Variants in EBF4 observed in about 807,000 individuals in gnomAD.
EBF4 encodes transcription factor COE4.
EBF4 carries 34 observed loss-of-function variants against 67.1 expected under a neutral mutation model. That is an observed-to-expected ratio of 0.51 (90% CI 0.39 to 0.67). EBF4 has a LOEUF of 0.67. EBF4 is among the 30% of genes least tolerant of loss of function. The pLI is 0.00. For missense variants in EBF4, 837 were observed against 873.3 expected (o/e 0.96, Z 0.52); for synonymous variants, 387 against 377.7 (o/e 1.02, Z -0.29).
At chr20:2,697,415 G>T (rs1356570369) in intron 1 of EBF4, among the ~76,000 whole-genome samples, 1 of 151,968 alleles carries the variant, frequency 6.6e-6, no homozygotes, top group Non-Finnish European at 1.5e-5. Context: ...CGTGGTGGCG[G>T]GCGCCTGTAG....
At chr20:2,733,784 A>C (rs2087844756) in intron 6 of EBF4, among the ~76,000 whole-genome samples, 1 of 151,776 alleles carries the variant, frequency 6.6e-6, no homozygotes, top group Admixed American at 6.6e-5. Context: ...AGCCACACAT[A>C]AAATACATTA....
intron 10 of EBF4, among the ~76,000 whole-genome samples, chr20:2,750,487 G>A (rs1346987343): frequency 6.6e-6 from 1 of 152,080 alleles, no homozygotes; most frequent in Non-Finnish European, 1.5e-5. Context: ...CACGTGGAGA[G>A]GCAGTGTAGA....
rs1192894737 is a variant in EBF4 at position 2,739,502 on chromosome 20, T to C, written c.558-9047T>C. ...TCCTGCCGTGCCCACCACTCTGTCT[T>C]CCTGAGTTTCTCTTTCCTGTTGGGT... is the stretch of plus-strand genomic sequence containing the variant. On this transcript the variant is annotated intron_variant, in intron 6 of 16. Coordinates refer to ENST00000609451, the Ensembl canonical transcript of EBF4. This position sits in a 1 kb window ranked among gnomAD's most constrained non-coding sequence, Gnocchi z 4.5. Among the ~76,000 whole-genome samples, 2 of 152,164 alleles carry C rather than the reference T, an allele frequency of 1.3e-5. No homozygotes were observed. The highest frequency in any genetic ancestry group is 2.9e-5 in the Non-Finnish European group (2 of 68,022).
Position 2,756,001 on chromosome 20 carries a change from C to G in EBF4, c.1738+177C>G, listed in dbSNP as rs538861716. ...GGTCCAGGGAGGTCCCTCTGGCCCC[C>G]TCTGCCCTGGCCTCCCAGCCTGGGA... is the stretch of plus-strand genomic sequence containing the variant. On this transcript the variant is annotated intron_variant, in intron 15 of 16. Coordinates refer to ENST00000609451, the Ensembl canonical transcript of EBF4. The surrounding 1 kb of genome is among the most constrained non-coding windows in gnomAD (Gnocchi z 4.5). Among the ~76,000 whole-genome samples, 4 of 152,338 alleles carry G rather than the reference C, an allele frequency of 2.6e-5. No individual in the cohort carries two copies. Among genetic ancestry groups the G allele is most frequent in the Admixed American group, 2.6e-4 (4 of 15,302 alleles).
In EBF4 at chr20:2,755,757, C is replaced by T. The variant is rs1454488428; in HGVS notation, c.1671C>T (p.Ala557=). 3 of 1,550,738 alleles carry T rather than the reference C, an allele frequency of 1.9e-6. No homozygotes were observed. The highest frequency in any genetic ancestry group is 2.6e-6 in the Non-Finnish European group (3 of 1,146,942). ...CCGTCAAACAGAGGAGCGCCTTCGC[C>T]CCCGTGCTGCGCCCCCCAAGCTCCC... Residue 557 remains alanine (A), a synonymous_variant, in exon 15 of 17, where the codon GCC becomes GCT. Transcript: ENST00000609451. The surrounding 1 kb of genome is among the most constrained non-coding windows in gnomAD (Gnocchi z 4.7).
intron 14 of EBF4, among the ~76,000 whole-genome samples, chr20:2,754,546 A>G (rs2088207017): frequency 3.3e-5 from 5 of 152,192 alleles, no homozygotes. Flanking sequence ...GGCATTTGGA[A>G]GAGGGGCAGC....
intron 1 of EBF4, among the ~76,000 whole-genome samples, chr20:2,704,382 A>T (rs960037268): frequency 5.3e-5 from 8 of 152,134 alleles, no homozygotes; most frequent in Non-Finnish European, 1.2e-4. Context: ...TAAGGAACAC[A>T]CTTTGGAAGG....
At chr20:2,727,202 A>G (rs2087757552) in intron 6 of EBF4, among the ~76,000 whole-genome samples, 1 of 152,084 alleles carries the variant, frequency 6.6e-6, no homozygotes, top group Non-Finnish European at 1.5e-5. Context: ...ATTTTATTAT[A>G]TACATACATC....
At chr20:2,704,395 G>T (rs916093506) in intron 1 of EBF4, among the ~76,000 whole-genome samples, 1 of 152,300 alleles carries the variant, frequency 6.6e-6, no homozygotes, top group South Asian at 2.1e-4. Context: ...TTGGAAGGCC[G>T]TGGCTCAGAG....
intron 6 of EBF4, among the ~76,000 whole-genome samples, chr20:2,716,761 G>A (rs142380939): frequency 8.5e-5 from 13 of 152,292 alleles, no homozygotes; most frequent in Admixed American, 3.9e-4. Flanking sequence ...TGTAGTACCA[G>A]CTATGTCCTA....
rs1164932253 is a variant in EBF4, at chr20:2,747,706, A to G, written c.558-843A>G. On this transcript the variant is annotated intron_variant, in intron 6 of 16. Coordinates refer to ENST00000609451, the Ensembl canonical transcript of EBF4. This position sits in a 1 kb window ranked among gnomAD's most constrained non-coding sequence, Gnocchi z 4.6. ...CTGCTATATGGGATGGCTTTACAGTATTTGCAATAACTATATTTTGGGTAA... is the reference window on the plus strand; with the variant it reads ...CTGCTATATGGGATGGCTTTACAGTGTTTGCAATAACTATATTTTGGGTAA... Among the ~76,000 whole-genome samples, 1 of 152,162 alleles carries G rather than the reference A, an allele frequency of 6.6e-6. No homozygotes were observed. Among genetic ancestry groups the G allele is most frequent in the Admixed American group, 6.5e-5 (1 of 15,286 alleles).
chr20:2,717,398 T>G (rs147108148), intron 6 of EBF4, among the ~76,000 whole-genome samples: 43 of 152,146 alleles, frequency 2.8e-4, no homozygotes, highest in Non-Finnish European at 5.4e-4. Flanking sequence ...TAGAGAAAAA[T>G]AAAACAAATT....
intron 6 of EBF4, among the ~76,000 whole-genome samples, chr20:2,733,545 A>G (rs144790557): frequency 6.9e-4 from 105 of 152,270 alleles, no homozygotes; most frequent in Non-Finnish European, 1.2e-3. Flanking sequence ...GATTCCCATT[A>G]TACATATACT....
chr20:2,749,526 C>A lies in EBF4; in HGVS notation c.757+8C>A, dbSNP rs1428491137. 1 of 1,543,620 alleles carries A rather than the reference C, an allele frequency of 6.5e-7. No homozygotes were observed. The highest frequency in any genetic ancestry group is 8.7e-7 in the Non-Finnish European group (1 of 1,143,108). On this transcript the variant is annotated splice_region_variant and intron_variant, in intron 8 of 16. Coordinates refer to ENST00000609451, the Ensembl canonical transcript of EBF4. ...GCCTGGACCCCTCCGAAGGTCAGGA[C>A]CCCCGGCCCAGCCCCGGCCGCCGCG...
rs2146520257 is a variant in EBF4, at chr20:2,755,705, CCTT to C, written c.1622_1624del (p.Phe541del). 2.6e-6 allele frequency: 4 copies of C among 1,550,366 alleles called. No homozygotes were observed. Among genetic ancestry groups the C allele is most frequent in the South Asian group, 2.4e-5 (2 of 84,032 alleles). ...GCTGCCCCCACCACCAGCGTGTTCT[CCTT>C]CTCGCCTGTCAACATGATCTCCGCC... is the stretch of plus-strand genomic sequence containing the variant. On this transcript the variant is annotated inframe_deletion, in exon 15 of 17. Transcript: ENST00000609451. The surrounding 1 kb of genome is among the most constrained non-coding windows in gnomAD (Gnocchi z 4.7).
intron 1 of EBF4, among the ~76,000 whole-genome samples, chr20:2,695,176 G>T (rs1883806): frequency 0.48 from 72,037 of 151,060 alleles, 18,062 homozygotes; most frequent in East Asian, 0.64. Context: ...CCCCTCTTTG[G>T]CCCCACCACC....
intron 12 of EBF4, 47 bp downstream of exon 12, chr20:2,752,034 A>G: frequency 1.3e-6 from 2 of 1,501,476 alleles, no homozygotes; most frequent in Non-Finnish European, 1.8e-6. Flanking sequence ...GGGGCCCCCC[A>G]GCACGCGGCG....
intron 6 of EBF4, among the ~76,000 whole-genome samples, chr20:2,722,142 C>G (rs140123297): frequency 0.01 from 1,529 of 152,178 alleles, 13 homozygotes; most frequent in Admixed American, 0.016. Flanking sequence ...TCGAGCAGTC[C>G]TCCCACCTCA....
chr20:2,753,180 A>ACCC (rs2088184768), intron 14 of EBF4, among the ~76,000 whole-genome samples: 1 of 151,780 alleles, frequency 6.6e-6, no homozygotes, highest in Admixed American at 6.6e-5. Context: ...GGTCAATTCC[A>ACCC]CCCCCTGCTT....
Sources: allele counts gnomAD v4.1 joint callset (sites outside exome capture counted in the v4.1 genomes callset), GRCh38; gene constraint gnomAD v4.1.1; non-coding constraint Gnocchi (gnomAD v3.1); transcripts MANE v1.5; gene names NCBI Gene and HGNC (gene_info 2026-07-23, HGNC 2026-07-21).